The following HAPSTR1 variants were observed in gnomAD, a reference collection of about 807,000 sequenced individuals.
HAPSTR1 encodes HUWE1-associated protein modifying stress responses 1.
At chr16:9,098,514 A>G in the HAPSTR1 span, among the ~76,000 whole-genome samples, 5 of 152,156 alleles carry the variant, frequency 3.3e-5, no homozygotes, top group Non-Finnish European at 7.3e-5. Flanking sequence ...TTCCTAAAGA[A>G]ACAGTACATT....
At chr16:9,096,704 C>G in the HAPSTR1 span, among the ~76,000 whole-genome samples, 347 of 152,248 alleles carry the variant, frequency 2.3e-3, 1 homozygote, top group African/African-American at 7.7e-3. Flanking sequence ...TTCAAAATAC[C>G]TTAGTGTGGA....
the HAPSTR1 span, among the ~76,000 whole-genome samples, chr16:9,097,237 GCT>G: frequency 6.2e-3 from 744 of 119,692 alleles, 5 homozygotes; most frequent in African/African-American, 0.027. Flanking sequence ...ACCGCGCCTG[GCT>G]CTTTTTTTTT....
At chr16:9,097,840 A>G in the HAPSTR1 span, among the ~76,000 whole-genome samples, 1 of 152,228 alleles carries the variant, frequency 6.6e-6, no homozygotes, top group Non-Finnish European at 1.5e-5. Context: ...TAACGGGGTC[A>G]CTTGCTTACC....
chr16:9,118,473 A>G, the HAPSTR1 span: 17 of 152,798 alleles, frequency 1.1e-4, no homozygotes, highest in East Asian at 3.1e-3. Context: ...ATGGAATGTT[A>G]GAAATGTTGT....
chr16:9,106,860 C>G, the HAPSTR1 span: 1 of 152,082 alleles, frequency 6.6e-6, no homozygotes, highest in African/African-American at 2.4e-5. Context: ...CAACTGGTAA[C>G]TCGTTTTTAT....
chr16:9,094,644 A>G, the HAPSTR1 span, among the ~76,000 whole-genome samples: 10 of 152,146 alleles, frequency 6.6e-5, no homozygotes, highest in Admixed American at 1.3e-4. Context: ...AGTTACTATG[A>G]TAAGGTTCAC....
the HAPSTR1 span, among the ~76,000 whole-genome samples, chr16:9,095,697 G>C: frequency 6.6e-6 from 1 of 151,988 alleles, no homozygotes; most frequent in East Asian, 1.9e-4. Context: ...CTTTTGAAAA[G>C]TTGAAAATTG....
At chr16:9,106,915 G>T in the HAPSTR1 span, 1 of 151,980 alleles carries the variant, frequency 6.6e-6, no homozygotes, top group Non-Finnish European at 1.5e-5. Flanking sequence ...ATCACTTTGT[G>T]GATCTCTGCC....
the HAPSTR1 span, among the ~76,000 whole-genome samples, chr16:9,094,944 G>A: frequency 6.6e-6 from 1 of 152,094 alleles, no homozygotes; most frequent in Non-Finnish European, 1.5e-5. Context: ...TAAGAAGATG[G>A]GTTCAGCAGT....
the HAPSTR1 span, chr16:9,093,087 C>T: frequency 1.2e-5 from 16 of 1,294,308 alleles, no homozygotes; most frequent in Non-Finnish European, 1.7e-5. Flanking sequence ...GTGTTTTCTG[C>T]TCCCCAGCCC....
chr16:9,110,087 A>T, the HAPSTR1 span: 1 of 152,148 alleles, frequency 6.6e-6, no homozygotes, highest in Non-Finnish European at 1.5e-5. Context: ...GAAGTATCTA[A>T]ACCCAGGGAA....
the HAPSTR1 span, chr16:9,092,221 G>A: frequency 6.3e-7 from 1 of 1,587,358 alleles, no homozygotes; most frequent in African/African-American, 1.3e-5. Flanking sequence ...AGCAGAAGCT[G>A]TGGCACCTCT....
the HAPSTR1 span, among the ~76,000 whole-genome samples, chr16:9,097,240 CT>C: frequency 1.9e-3 from 272 of 140,754 alleles, 2 homozygotes; most frequent in Admixed American, 0.015. Flanking sequence ...GCGCCTGGCT[CT>C]TTTTTTTTTT....
At chr16:9,101,320 G>C in the HAPSTR1 span, among the ~76,000 whole-genome samples, 3 of 152,190 alleles carry the variant, frequency 2.0e-5, no homozygotes, top group African/African-American at 7.2e-5. Flanking sequence ...GAAGAAGTGA[G>C]AAATCAAAAT....
At chr16:9,104,756 G>C in the HAPSTR1 span, 9 of 152,336 alleles carry the variant, frequency 5.9e-5, no homozygotes, top group Admixed American at 2.6e-4. Context: ...AAATGGGATT[G>C]ATCTGTTTAT....
chr16:9,107,769 C>G, the HAPSTR1 span: 5 of 152,386 alleles, frequency 3.3e-5, no homozygotes, highest in Non-Finnish European at 7.3e-5. Flanking sequence ...CTCCCAATCT[C>G]TGTAGCCTCC....
the HAPSTR1 span, among the ~76,000 whole-genome samples, chr16:9,100,666 T>A: frequency 6.6e-6 from 1 of 152,194 alleles, no homozygotes; most frequent in Admixed American, 6.5e-5. Context: ...CCCGAGTAGC[T>A]GGGATTACAG....
chr16:9,099,722 C>T, the HAPSTR1 span, among the ~76,000 whole-genome samples: 2 of 152,114 alleles, frequency 1.3e-5, no homozygotes, highest in Admixed American at 6.6e-5. Context: ...GTGCTCAGAG[C>T]AGTGTTTGGC....
the HAPSTR1 span, chr16:9,111,234 G>A: frequency 6.6e-6 from 1 of 152,224 alleles, no homozygotes; most frequent in Non-Finnish European, 1.5e-5. Context: ...GTTGAATGTT[G>A]CAGTCTGCAT....
Sources: allele counts gnomAD v4.1 joint callset (sites outside exome capture counted in the v4.1 genomes callset), GRCh38; gene constraint gnomAD v4.1.1; transcripts MANE v1.5; gene names NCBI Gene and HGNC (gene_info 2026-07-23, HGNC 2026-07-21).